Variants in CDH18 observed in about 807,000 individuals in gnomAD.
The protein encoded by CDH18 is cadherin 18.
A neutral mutation model predicts 67.9 loss-of-function variants in CDH18; 31 were observed. That is an observed-to-expected ratio of 0.46 (90% CI 0.34 to 0.62). CDH18 has a LOEUF of 0.62. CDH18 is among the 20% of genes least tolerant of loss of function. The pLI, the probability that CDH18 is intolerant of heterozygous loss-of-function variation, is 0.01. For missense variants in CDH18, 890 were observed against 975.5 expected, an observed-to-expected ratio of 0.91 and a Z score of 1.17; for synonymous variants, 362 against 347.2, an observed-to-expected ratio of 1.04 and a Z score of -0.48.
intron 11 of CDH18, among the ~76,000 whole-genome samples, chr5:19,502,309 C>T (rs1386319): frequency 0.51 from 77,356 of 151,946 alleles, 19,961 homozygotes; most frequent in South Asian, 0.58. Flanking sequence ...AATCAGAAAA[C>T]TGCACATACC....
At chr5:19,490,073 G>A (rs1285818133) in intron 11 of CDH18, among the ~76,000 whole-genome samples, 2 of 151,590 alleles carry the variant, frequency 1.3e-5, no homozygotes, top group South Asian at 2.1e-4. Flanking sequence ...TATTTTTTTA[G>A]TAGAGAATGA....
At chr5:20,230,763 T>G in intron 2 of CDH18, among the ~76,000 whole-genome samples, 1 of 152,326 alleles carries the variant, frequency 6.6e-6, no homozygotes, top group East Asian at 1.9e-4. Context: ...TCTTCTAGAA[T>G]AGTTTTATTT....
intron 5 of CDH18, among the ~76,000 whole-genome samples, chr5:19,703,967 T>C (rs1763624058): frequency 6.6e-6 from 1 of 152,124 alleles, no homozygotes; most frequent in African/African-American, 2.4e-5. Context: ...GAGTCATTGA[T>C]TCAGATTACA....
At chr5:19,974,520 CA>C (rs70954626) in intron 2 of CDH18, among the ~76,000 whole-genome samples, 36,875 of 78,752 alleles carry the variant, frequency 0.47, 4,786 homozygotes, top group Middle Eastern at 0.58. Context: ...TCCTGTCTCC[CA>C]AAAAAAAAAA....
At chr5:19,972,271 T>C (rs1171236473) in intron 2 of CDH18, among the ~76,000 whole-genome samples, 1 of 152,128 alleles carries the variant, frequency 6.6e-6, no homozygotes, top group Non-Finnish European at 1.5e-5. Context: ...ATATACTTAG[T>C]ATATTGTATT....
intron 1 of CDH18, among the ~76,000 whole-genome samples, chr5:20,432,527 C>T (rs924287658): frequency 2.0e-5 from 3 of 151,982 alleles, no homozygotes; most frequent in African/African-American, 7.3e-5. Context: ...CTTTTTCTTA[C>T]AGTTTTGGAA....
chr5:19,667,049 A>C (rs1758053625), intron 5 of CDH18, among the ~76,000 whole-genome samples: 1 of 152,034 alleles, frequency 6.6e-6, no homozygotes, highest in African/African-American at 2.4e-5. Flanking sequence ...TAAAGTTTTT[A>C]ATTCAATTAC....
chr5:19,668,694 A>G (rs1758309389), intron 5 of CDH18, among the ~76,000 whole-genome samples: 1 of 152,116 alleles, frequency 6.6e-6, no homozygotes, highest in Admixed American at 6.6e-5. Context: ...GTAATGAATG[A>G]TGTTTCTTAA....
At chr5:20,032,299 C>T (rs1273472277) in intron 2 of CDH18, among the ~76,000 whole-genome samples, 1 of 150,776 alleles carries the variant, frequency 6.6e-6, no homozygotes, top group Non-Finnish European at 1.5e-5. Flanking sequence ...AGTGACTGTC[C>T]CTGACTTTAG....
intron 1 of CDH18, among the ~76,000 whole-genome samples, chr5:20,518,754 T>C (rs1243566341): frequency 6.6e-6 from 1 of 152,178 alleles, no homozygotes; most frequent in Non-Finnish European, 1.5e-5. Flanking sequence ...TCCGTCGTAT[T>C]CAGAAGTCCC....
At position 20,173,320 on chromosome 5, in the gene CDH18, C is replaced by T. The variant is rs545990073; in HGVS notation, c.-518+82124G>A. Reference sequence around the variant, plus strand: ...ATCAAGGAAACTAAAAAGCAAATCTCGGAAGTCAACGACCCAGTCCCAGTA... The same window carrying T: ...ATCAAGGAAACTAAAAAGCAAATCTTGGAAGTCAACGACCCAGTCCCAGTA... On this transcript the variant is annotated intron_variant, in intron 2 of 14. Coordinates refer to the CDH18 transcript ENST00000507958. Among the ~76,000 whole-genome samples the T allele has an allele frequency of 5.3e-4, 81 of 152,156 alleles. 2 individuals are homozygous for T. Among genetic ancestry groups the T allele is most frequent in the Admixed American group, 2.8e-3 (43 of 15,280 alleles).
At chr5:20,084,573 T>G (rs1017373808) in intron 2 of CDH18, among the ~76,000 whole-genome samples, 3 of 152,298 alleles carry the variant, frequency 2.0e-5, no homozygotes, top group Middle Eastern at 3.4e-3. Context: ...CACATTTCCC[T>G]TCTGCACTGC....
chr5:20,516,566 A>G (rs916842314), intron 1 of CDH18, among the ~76,000 whole-genome samples: 3 of 151,960 alleles, frequency 2.0e-5, no homozygotes, highest in Non-Finnish European at 4.4e-5. Flanking sequence ...GAAGTTTGCA[A>G]GCAGTATCTG....
At chr5:20,075,275 C>T (rs567537407) in intron 2 of CDH18, among the ~76,000 whole-genome samples, 5 of 152,112 alleles carry the variant, frequency 3.3e-5, no homozygotes, top group African/African-American at 9.6e-5. Context: ...TAGTCTGAGG[C>T]GGGTGGATCA....
intron 2 of CDH18, among the ~76,000 whole-genome samples, chr5:20,010,084 T>C (rs75376707): frequency 0.011 from 1,611 of 145,836 alleles, 38 homozygotes; most frequent in African/African-American, 0.037. Flanking sequence ...CAACGGAGAC[T>C]CCAGATATTT....
intron 4 of CDH18, among the ~76,000 whole-genome samples, chr5:19,741,664 A>G (rs1218011056): frequency 6.6e-6 from 1 of 152,176 alleles, no homozygotes; most frequent in Non-Finnish European, 1.5e-5. Flanking sequence ...TGGCACTATG[A>G]AAGTCTCTCT....
At chr5:20,012,506 A>T (rs1038724981) in intron 2 of CDH18, among the ~76,000 whole-genome samples, 1 of 152,038 alleles carries the variant, frequency 6.6e-6, no homozygotes, top group Non-Finnish European at 1.5e-5. Context: ...AAATAATGCA[A>T]TCACATTTCC....
At chr5:19,531,640 A>AC (rs1223135857) in intron 9 of CDH18, among the ~76,000 whole-genome samples, 3 of 143,824 alleles carry the variant, frequency 2.1e-5, no homozygotes, top group Non-Finnish European at 4.7e-5. Context: ...CACACACACA[A>AC]ACAAAATTGG....
rs527331061 is a variant in CDH18, at chr5:20,429,981, T to A, written c.-580+145481A>T. On this transcript the variant is annotated intron_variant, in intron 1 of 14. Transcript: ENST00000507958. ...AAGTATTTCCCAGGAAGCTTCCACT[T>A]TTCATATAATTTCTTCATTTCCCAC... 5.3e-5 allele frequency among the ~76,000 whole-genome samples: 8 copies of A among 152,264 alleles called. No homozygotes were observed. In the South Asian group the frequency reaches 1.5e-3, roughly 28 times the overall value.
Sources: allele counts gnomAD v4.1 joint callset (sites outside exome capture counted in the v4.1 genomes callset), GRCh38; gene constraint gnomAD v4.1.1; transcripts MANE v1.5; gene names NCBI Gene and HGNC (gene_info 2026-07-23, HGNC 2026-07-21).